CSRP3: variants seen among roughly 807,000 people sequenced by gnomAD.
CSRP3 encodes cysteine and glycine rich protein 3.
A neutral mutation model predicts 24.3 loss-of-function variants in CSRP3; 24 were observed. The observed-to-expected ratio is 0.99, with a 90% confidence interval of 0.71 to 1.39. The LOEUF (loss-of-function observed/expected upper bound fraction) is 1.39, where lower values mean the gene tolerates loss of function less well. Ranked by LOEUF, CSRP3 falls within the 40% of genes most tolerant of loss-of-function variation. The pLI is 0.00. For missense variants in CSRP3, 240 were observed against 249.0 expected, an observed-to-expected ratio of 0.96 and a Z score of 0.24; for synonymous variants, 105 against 94.0, an observed-to-expected ratio of 1.12 and a Z score of -0.68.
In CSRP3 at chr11:19,189,578, C is replaced by A. The variant is rs912783754; in HGVS notation, c.113-1274G>T. 3.3e-5 allele frequency among the ~76,000 whole-genome samples: 5 copies of A among 152,196 alleles called. No homozygotes were observed. In the East Asian group the frequency reaches 9.6e-4, roughly 29 times the overall value. ...AATGAGGTTATTTCAGGCTAATATG[C>A]CTTCTTCAAATGATATTATCTTTTT... On this transcript the variant is annotated intron_variant, in intron 2 of 5. Coordinates refer to ENST00000265968, the MANE Select transcript of CSRP3 (RefSeq NM_003476.5).
At chr11:19,189,358 G>T (rs957068076) in intron 2 of CSRP3, among the ~76,000 whole-genome samples, 1 of 152,190 alleles carries the variant, frequency 6.6e-6, no homozygotes, top group Non-Finnish European at 1.5e-5. Context: ...TTTTTTAAAA[G>T]ATATAGAATT....
At chr11:19,197,835 A>G (rs1227822416) in intron 1 of CSRP3, among the ~76,000 whole-genome samples, 3 of 151,836 alleles carry the variant, frequency 2.0e-5, no homozygotes, top group Non-Finnish European at 4.4e-5. Flanking sequence ...ATATATATAT[A>G]TATATGGAAT....
At chr11:19,192,786 G>A (rs1850637457) in intron 1 of CSRP3, among the ~76,000 whole-genome samples, 1 of 151,968 alleles carries the variant, frequency 6.6e-6, no homozygotes, top group Non-Finnish European at 1.5e-5. Context: ...GTACATAAAA[G>A]TATATACAAA....
chr11:19,194,401 G>A (rs1471004041), intron 1 of CSRP3, among the ~76,000 whole-genome samples: 2 of 152,166 alleles, frequency 1.3e-5, no homozygotes, highest in African/African-American at 4.8e-5. Context: ...CATTGGGCTG[G>A]GCATGGTGGC....
Position 19,191,778 on chromosome 11 carries a change from G to A in CSRP3, c.112+559C>T, listed in dbSNP as rs577045648. ...TTTTGACATGTGTGAGTCAGTGTCT[G>A]GCGGGTAATGGTCAGGATTTCTTTC... On this transcript the variant is annotated intron_variant, in intron 2 of 5. Coordinates refer to ENST00000265968, the MANE Select transcript of CSRP3 (RefSeq NM_003476.5). Among the ~76,000 whole-genome samples the A allele has an allele frequency of 1.6e-4, 25 of 152,270 alleles. No individual in the cohort carries two copies. In the South Asian group the frequency reaches 5.0e-3, roughly 30 times the overall value.
At chr11:19,197,003 G>T (rs1440252195) in intron 1 of CSRP3, 1 of 152,116 alleles carries the variant, frequency 6.6e-6, no homozygotes, top group Non-Finnish European at 1.5e-5. Flanking sequence ...TGCTTCAGTG[G>T]GGCAGTGGGA....
chr11:19,197,545 TTCTTTCTTTCTTTCTTTC>T (rs1438291753), intron 1 of CSRP3, among the ~76,000 whole-genome samples: 28 of 140,684 alleles, frequency 2.0e-4, no homozygotes, highest in African/African-American at 6.9e-4. Context: ...CTTTCTTTCT[TTCTTTCTTTCTTTCTTTC>T]TTTCTTTCTT....
intron 4 of CSRP3, among the ~76,000 whole-genome samples, chr11:19,185,749 T>C (rs1590103118): frequency 6.6e-6 from 1 of 152,210 alleles, no homozygotes; most frequent in Admixed American, 6.5e-5. Context: ...AGAGCACATA[T>C]GCATGAGTGT....
rs748393033 is a variant in CSRP3 at position 19,185,001 on chromosome 11, ACT to A, written c.457_458del (p.Leu154GlyfsTer7). The A allele has an allele frequency of 6.8e-6, 11 of 1,614,054 alleles. No individual in the cohort carries two copies. The African/African-American group carries it at 1.3e-4, about 20-fold the overall frequency. On this transcript the variant is annotated frameshift_variant, in exon 5 of 6. Coordinates refer to ENST00000265968, the MANE Select transcript of CSRP3 (RefSeq NM_003476.5). LOFTEE classifies it high-confidence loss of function. ...TCFRCAICGKSLESTNVTDKD... is the reference protein window; with the variant it reads ...TCFRCAICGKXLESTNVTDKD... Reference sequence around the variant, plus strand: ...TGTCAGTGACATTTGTGGACTCCAGACTCTTCCCACAGATGGCACAGCGGAAA... The same window carrying A: ...TGTCAGTGACATTTGTGGACTCCAGACTTCCCACAGATGGCACAGCGGAAA...
At chr11:19,197,563 C>CTTTCTTTCTTTCTTTCTTTCTT (rs1554968725) in intron 1 of CSRP3, among the ~76,000 whole-genome samples, 5 of 124,898 alleles carry the variant, frequency 4.0e-5, no homozygotes, top group East Asian at 4.8e-4. Context: ...TTCTTTCTTT[C>CTTTCTTTCTTTCTTTCTTTCTT]TTTCTTTCTT....
chr11:19,187,065 C>T (rs1272883551), intron 3 of CSRP3, among the ~76,000 whole-genome samples: 3 of 152,264 alleles, frequency 2.0e-5, no homozygotes, highest in Middle Eastern at 3.4e-3. Flanking sequence ...AATGATGGAC[C>T]TAGGAGGAAA....
intron 2 of CSRP3, among the ~76,000 whole-genome samples, chr11:19,191,725 A>C (rs1295958247): frequency 6.6e-6 from 1 of 152,164 alleles, no homozygotes; most frequent in Non-Finnish European, 1.5e-5. Context: ...TCAAGGTTCA[A>C]GCCACAAGGT....
At chr11:19,182,820 A>G in intron 5 of CSRP3, 74 bp from the exon 6 acceptor site, 2 of 1,026,092 alleles carry the variant, frequency 1.9e-6, no homozygotes, top group Non-Finnish European at 3.1e-6. Context: ...TTTCTGTCTG[A>G]GCACAGTCCT....
intron 1 of CSRP3, among the ~76,000 whole-genome samples, chr11:19,194,256 A>G (rs140750042): frequency 6.6e-6 from 1 of 152,346 alleles, no homozygotes; most frequent in East Asian, 1.9e-4. Context: ...GTTTCTATCT[A>G]AATATTCCCC....
chr11:19,194,972 A>G (rs1474472392), intron 1 of CSRP3, among the ~76,000 whole-genome samples: 1 of 152,086 alleles, frequency 6.6e-6, no homozygotes, highest in African/African-American at 2.4e-5. Flanking sequence ...AGAAAAATAG[A>G]CAAGATTCAG....
In CSRP3 at chr11:19,191,996, C is replaced by G. The variant is rs7933460; in HGVS notation, c.112+341G>C. Among the ~76,000 whole-genome samples, 65,549 of 152,100 alleles carry G rather than the reference C, an allele frequency of 0.43. 15,442 individuals carry two copies. The highest frequency in any genetic ancestry group is 0.64 in the African/African-American group (26,431 of 41,486). On this transcript the variant is annotated intron_variant, in intron 2 of 5. Coordinates refer to ENST00000265968, the MANE Select transcript of CSRP3 (RefSeq NM_003476.5). The stretch of plus-strand genomic sequence containing the variant: ...CATCCTGGCTTCAGATAAGTGCTGG[C>G]TTCCTTTCTCTGCCAAGTCACATGT...
chr11:19,188,611 G>A (rs1850568311), intron 2 of CSRP3, among the ~76,000 whole-genome samples: 2 of 98,834 alleles, frequency 2.0e-5, no homozygotes, highest in Admixed American at 1.9e-4. Flanking sequence ...TGACATCAGG[G>A]AAGTGTGTGT....
In CSRP3 at chr11:19,182,604, G is replaced by A. The variant is rs1488636156; in HGVS notation, c.*66C>T. The A allele has an allele frequency of 6.3e-6, 8 of 1,269,088 alleles. No homozygotes were observed. Among genetic ancestry groups the A allele is most frequent in the Non-Finnish European group, 9.2e-6 (8 of 865,076 alleles). 78.6% of individuals were successfully genotyped at this position (1,269,088 alleles called of 1,614,324 possible). A position where few individuals can be genotyped will look rare whatever the true frequency, so the allele number is the denominator to read the frequency against. Reference sequence around the variant, plus strand: ...GAGAGGCTATTTGGGGAAAGGTATCGATCTGTGCAGGATTACTTGGCAAGT... The same window carrying A: ...GAGAGGCTATTTGGGGAAAGGTATCAATCTGTGCAGGATTACTTGGCAAGT... On this transcript the variant is annotated 3_prime_UTR_variant, in exon 6 of 6. Transcript: ENST00000265968.
chr11:19,199,336 C>T (rs764954546), intron 1 of CSRP3, among the ~76,000 whole-genome samples: 67 of 152,174 alleles, frequency 4.4e-4, no homozygotes, highest in Non-Finnish European at 9.1e-4. Context: ...GAACAGGTTG[C>T]TCATTGCCAG....
Sources: allele counts gnomAD v4.1 joint callset (sites outside exome capture counted in the v4.1 genomes callset), GRCh38; gene constraint gnomAD v4.1.1; transcripts MANE v1.5; gene names NCBI Gene and HGNC (gene_info 2026-07-23, HGNC 2026-07-21).